Variants in PTPRT observed in about 807,000 individuals in gnomAD.
PTPRT encodes the protein receptor-type tyrosine-protein phosphatase T.
Under a neutral mutation model 176.8 loss-of-function variants are expected in PTPRT, and 56 were observed. The observed-to-expected ratio is 0.32, with a 90% CI of 0.26 to 0.40. PTPRT has a LOEUF of 0.40. PTPRT is among the 10% of genes least tolerant of loss of function. PTPRT has a pLI of 1.00. For synonymous variants in PTPRT, 783 were observed against 739.0 expected (o/e 1.06, Z -0.96); for missense variants, 1,540 against 1,908.2 (o/e 0.81, Z 3.60).
At chr20:42,659,954 G>C (rs2075194505) in intron 7 of PTPRT, among the ~76,000 whole-genome samples, 1 of 152,118 alleles carries the variant, frequency 6.6e-6, no homozygotes, top group Non-Finnish European at 1.5e-5. Context: ...CTGGGGTCAG[G>C]AGATGCTATT....
intron 15 of PTPRT, among the ~76,000 whole-genome samples, chr20:42,211,974 A>G (rs906391471): frequency 4.8e-5 from 7 of 147,260 alleles, no homozygotes; most frequent in African/African-American, 1.7e-4. Context: ...GCCATAAAAA[A>G]TGATGAGTTC....
At chr20:42,775,348 A>G (rs1476978879) in intron 4 of PTPRT, among the ~76,000 whole-genome samples, 1 of 152,232 alleles carries the variant, frequency 6.6e-6, no homozygotes, top group Non-Finnish European at 1.5e-5. Flanking sequence ...CATTAGAAAC[A>G]TGTTGCAGAT....
intron 1 of PTPRT, among the ~76,000 whole-genome samples, chr20:43,026,385 G>T (rs1438777514): frequency 6.6e-6 from 1 of 152,050 alleles, no homozygotes; most frequent in Admixed American, 6.6e-5. Flanking sequence ...CAAAGTGCTG[G>T]GATTACAAGT....
At chr20:42,332,232 T>G (rs1243344373) in intron 11 of PTPRT, among the ~76,000 whole-genome samples, 1 of 152,086 alleles carries the variant, frequency 6.6e-6, no homozygotes, top group East Asian at 1.9e-4. Flanking sequence ...GTTTTTGAGA[T>G]GGAGTCTCAC....
chr20:42,924,531 A>G (rs1490428989), intron 1 of PTPRT, among the ~76,000 whole-genome samples: 1 of 152,208 alleles, frequency 6.6e-6, no homozygotes, highest in Non-Finnish European at 1.5e-5. Context: ...CCTAAACCCC[A>G]TACAAACATC....
chr20:42,228,269 T>C (rs1012675689), intron 15 of PTPRT, among the ~76,000 whole-genome samples: 1 of 152,226 alleles, frequency 6.6e-6, no homozygotes, highest in African/African-American at 2.4e-5. Flanking sequence ...AACTGAAATA[T>C]AAACACCTTT....
At chr20:42,939,657 T>TAA (rs1173966591) in intron 1 of PTPRT, among the ~76,000 whole-genome samples, 9 of 152,164 alleles carry the variant, frequency 5.9e-5, no homozygotes, top group Non-Finnish European at 1.0e-4. Flanking sequence ...AGCTAAGAGC[T>TAA]GGGGCCATGG....
At chr20:42,398,562 A>T (rs900892178) in intron 9 of PTPRT, among the ~76,000 whole-genome samples, 1 of 152,210 alleles carries the variant, frequency 6.6e-6, no homozygotes, top group African/African-American at 2.4e-5. Flanking sequence ...ACAAAATAGC[A>T]TGTATATCAG....
intron 9 of PTPRT, among the ~76,000 whole-genome samples, chr20:42,411,927 A>T (rs1022266141): frequency 6.6e-6 from 1 of 152,202 alleles, no homozygotes; most frequent in East Asian, 1.9e-4. Context: ...TAAGAAATCA[A>T]CCTAGACCCA....
intron 6 of PTPRT, among the ~76,000 whole-genome samples, chr20:42,748,110 G>A (rs1184608167): frequency 1.3e-5 from 2 of 152,084 alleles, no homozygotes; most frequent in South Asian, 2.1e-4. Flanking sequence ...TATTTTTTAT[G>A]GCTGTTTTTG....
chr20:43,035,592 G>T (rs952620921), intron 1 of PTPRT, among the ~76,000 whole-genome samples: 1 of 152,152 alleles, frequency 6.6e-6, no homozygotes, highest in South Asian at 2.1e-4. Context: ...CAACACTGTG[G>T]GTATTTCATA....
chr20:42,520,052 A>G (rs1272205499), intron 7 of PTPRT, among the ~76,000 whole-genome samples: 1 of 152,112 alleles, frequency 6.6e-6, no homozygotes, highest in Non-Finnish European at 1.5e-5. Flanking sequence ...TGATATTATT[A>G]TAACTACACC....
chr20:42,052,802 G>T, the PTPRT span, among the ~76,000 whole-genome samples: 1 of 152,144 alleles, frequency 6.6e-6, no homozygotes, highest in East Asian at 1.9e-4. Context: ...GAGCTCCCTT[G>T]CTTTCCTCTT....
At chr20:42,111,210 G>A (rs1159312155) in intron 22 of PTPRT, among the ~76,000 whole-genome samples, 2 of 152,016 alleles carry the variant, frequency 1.3e-5, no homozygotes, top group South Asian at 2.1e-4. Context: ...CTAAGCCTTC[G>A]CTTAGACAGT....
intron 1 of PTPRT, among the ~76,000 whole-genome samples, chr20:43,126,071 C>T (rs937190687): frequency 2.0e-5 from 3 of 152,100 alleles, no homozygotes; most frequent in South Asian, 2.1e-4. Context: ...AAGAAAGGAC[C>T]GGGTGTGGTG....
chr20:42,617,335 G>T (rs1475169673), intron 7 of PTPRT, among the ~76,000 whole-genome samples: 4 of 136,140 alleles, frequency 2.9e-5, no homozygotes, highest in Non-Finnish European at 6.1e-5. Context: ...GCTGGATTCG[G>T]TTTGCCAGTA....
intron 7 of PTPRT, among the ~76,000 whole-genome samples, chr20:42,642,566 A>G (rs758208412): frequency 2.6e-5 from 4 of 152,150 alleles, no homozygotes; most frequent in Non-Finnish European, 5.9e-5. Context: ...CTGTATGTAC[A>G]TTATCCCACC....
chr20:42,335,710 G>A (rs1015100950), intron 11 of PTPRT, among the ~76,000 whole-genome samples: 2 of 152,044 alleles, frequency 1.3e-5, no homozygotes, highest in African/African-American at 2.4e-5. Flanking sequence ...AAAGAAAAGG[G>A]GAAAAAGAGT....
intron 4 of PTPRT, among the ~76,000 whole-genome samples, chr20:42,779,147 T>G (rs1051562061): frequency 2.0e-5 from 3 of 152,192 alleles, no homozygotes; most frequent in African/African-American, 7.2e-5. Flanking sequence ...GAAGTTACAT[T>G]TGAGGGTCTG....
Sources: gnomAD v4.1 joint callset for allele counts (sites outside exome capture counted in the v4.1 genomes callset) on GRCh38, gnomAD v4.1.1 for gene constraint, MANE v1.5 for transcripts, NCBI Gene and HGNC (gene_info 2026-07-23, HGNC 2026-07-21) for gene names.